RBFOX1: variants seen among roughly 807,000 people sequenced by gnomAD.
The protein encoded by RBFOX1 is RNA binding fox-1 homolog 1, also known as RNA binding protein fox-1 homolog 1.
Under a neutral mutation model 57.7 loss-of-function variants are expected in RBFOX1, and 8 were observed. The observed-to-expected ratio is 0.14, with a 90% CI of 0.08 to 0.25. RBFOX1 has a LOEUF of 0.25. RBFOX1 is among the 10% of genes least tolerant of loss of function. The pLI is 1.00. For missense variants in RBFOX1, 611 were observed against 548.5 expected (o/e 1.11, Z -1.14); for synonymous variants, 326 against 222.4 (o/e 1.47, Z -4.15).
intron 14 of RBFOX1, among the ~76,000 whole-genome samples, chr16:7,680,020 A>G (rs937540998): frequency 2.0e-5 from 3 of 152,176 alleles, no homozygotes; most frequent in East Asian, 1.9e-4. Context: ...TGAACTTTCA[A>G]AGGAGAGCGT....
At chr16:7,072,847 A>T (rs557644260) in intron 4 of RBFOX1, among the ~76,000 whole-genome samples, 1 of 152,218 alleles carries the variant, frequency 6.6e-6, no homozygotes, top group Non-Finnish European at 1.5e-5. Context: ...CGTCTTGAAC[A>T]TAAGTGCTCT....
intron 3 of RBFOX1, among the ~76,000 whole-genome samples, chr16:6,734,820 GCATAAA>G (rs2069676076): frequency 6.6e-6 from 1 of 152,116 alleles, no homozygotes; most frequent in Non-Finnish European, 1.5e-5. Flanking sequence ...AAATCTAGAT[GCATAAA>G]GCAAAACAGG....
intron 5 of RBFOX1, among the ~76,000 whole-genome samples, chr16:7,566,322 T>A (rs1007455796): frequency 6.6e-6 from 1 of 152,114 alleles, no homozygotes; most frequent in African/African-American, 2.4e-5. Flanking sequence ...ACTGCTCTGT[T>A]TCCAGCCCAG....
chr16:6,397,635 A>T (rs2092896807), intron 2 of RBFOX1, among the ~76,000 whole-genome samples: 1 of 152,242 alleles, frequency 6.6e-6, no homozygotes, highest in Non-Finnish European at 1.5e-5. Context: ...TGTGGATAAT[A>T]TAAAAGGTTA....
chr16:6,933,215 C>G (rs1479353977), intron 3 of RBFOX1, among the ~76,000 whole-genome samples: 3 of 152,204 alleles, frequency 2.0e-5, no homozygotes, highest in Non-Finnish European at 4.4e-5. Flanking sequence ...TGTACAATAC[C>G]TTTCAGAGTC....
chr16:7,558,486 T>C (rs1460481453), intron 5 of RBFOX1, among the ~76,000 whole-genome samples: 2 of 152,120 alleles, frequency 1.3e-5, no homozygotes, highest in African/African-American at 4.8e-5. Flanking sequence ...AATACATGTG[T>C]ACACATATTT....
At chr16:5,753,836 T>G (rs2053300801) in intron 3 of RBFOX1, among the ~76,000 whole-genome samples, 2 of 151,768 alleles carry the variant, frequency 1.3e-5, no homozygotes, top group South Asian at 4.2e-4. Flanking sequence ...AGAGCTGTGT[T>G]GAGGATATAG....
intron 3 of RBFOX1, among the ~76,000 whole-genome samples, chr16:6,668,975 G>C (rs369100544): frequency 6.6e-6 from 1 of 152,152 alleles, no homozygotes; most frequent in Non-Finnish European, 1.5e-5. Context: ...TGGAGTGAAC[G>C]TTAATTAATT....
intron 4 of RBFOX1, among the ~76,000 whole-genome samples, chr16:5,923,842 C>G (rs561743513): frequency 6.6e-6 from 1 of 152,138 alleles, no homozygotes; most frequent in African/African-American, 2.4e-5. Context: ...TACCTAGCCT[C>G]CAGAGCCAGT....
intron 3 of RBFOX1, among the ~76,000 whole-genome samples, chr16:5,795,516 C>T (rs1424125820): frequency 2.0e-5 from 3 of 151,978 alleles, no homozygotes; most frequent in Non-Finnish European, 4.4e-5. Flanking sequence ...GTTGTGAATT[C>T]CTGGGCTCAA....
chr16:6,469,629 C>T (rs2095129661), intron 2 of RBFOX1, among the ~76,000 whole-genome samples: 2 of 152,172 alleles, frequency 1.3e-5, no homozygotes, highest in African/African-American at 4.8e-5. Flanking sequence ...GCTTTGATAG[C>T]CGGTGGAATC....
chr16:6,943,761 A>G (rs769902224), intron 3 of RBFOX1, among the ~76,000 whole-genome samples: 1 of 151,950 alleles, frequency 6.6e-6, no homozygotes, highest in Admixed American at 6.6e-5. Flanking sequence ...AGTCTTGGCC[A>G]ATCCCAGCAG....
chr16:6,014,775 T>C (rs534966969), upstream of RBFOX1, among the ~76,000 whole-genome samples: 1 of 152,192 alleles, frequency 6.6e-6, no homozygotes, highest in Non-Finnish European at 1.5e-5. Context: ...ATGGATACAT[T>C]TGAGTATTGT....
In RBFOX1 at chr16:7,051,936, A is replaced by G. The variant is rs550319026; in HGVS notation, c.-15-121A>G. The G allele has an allele frequency of 4.1e-5, 59 of 1,432,772 alleles. No homozygotes were observed. The East Asian group carries it at 6.6e-4, about 16-fold the overall frequency. The allele number at this position is 1,432,772 out of a possible 1,614,324, so 88.8% of individuals were successfully genotyped here. A position where few individuals can be genotyped will look rare whatever the true frequency, so the allele number is the denominator to read the frequency against. ...GTAGACCTAAAGAAAAATTAAATAC[A>G]TAATTAATTAATTATGGGTTTTCTT... On this transcript the variant is annotated intron_variant, in intron 3 of 15. Transcript: ENST00000550418.
chr16:6,538,457 A>G (rs2096765132), intron 2 of RBFOX1, among the ~76,000 whole-genome samples: 2 of 152,168 alleles, frequency 1.3e-5, no homozygotes, highest in South Asian at 4.1e-4. Context: ...GCGCTACTGC[A>G]CTCTAGCCTG....
chr16:6,088,844 C>G (rs1002702632), intron 1 of RBFOX1, among the ~76,000 whole-genome samples: 2 of 152,078 alleles, frequency 1.3e-5, no homozygotes, highest in African/African-American at 4.8e-5. Flanking sequence ...TGCCTGTAAT[C>G]CCAGCACTTT....
chr16:6,864,506 AT>A (rs2059570506), intron 3 of RBFOX1, among the ~76,000 whole-genome samples: 2 of 152,044 alleles, frequency 1.3e-5, no homozygotes, highest in African/African-American at 2.4e-5. Flanking sequence ...AAAAACGTTA[AT>A]TAAAAATTTA....
intron 3 of RBFOX1, among the ~76,000 whole-genome samples, chr16:6,928,684 C>T (rs940332619): frequency 6.6e-6 from 1 of 152,164 alleles, no homozygotes; most frequent in African/African-American, 2.4e-5. Flanking sequence ...TACTGAAGAA[C>T]TGTGAGGTCA....
At chr16:5,245,010 G>A (rs944438216) in intron 1 of RBFOX1, among the ~76,000 whole-genome samples, 2 of 152,190 alleles carry the variant, frequency 1.3e-5, no homozygotes, top group Non-Finnish European at 2.9e-5. Flanking sequence ...AGTTGGAAAG[G>A]CTTTGGACCA....
Sources: gnomAD v4.1 joint callset for allele counts (sites outside exome capture counted in the v4.1 genomes callset) on GRCh38, gnomAD v4.1.1 for gene constraint, MANE v1.5 for transcripts, NCBI Gene and HGNC (gene_info 2026-07-23, HGNC 2026-07-21) for gene names.